The following HMGN5 variants were observed in gnomAD, a reference collection of about 807,000 sequenced individuals.
HMGN5 encodes the protein high mobility group nucleosome binding domain 5, also known as high mobility group nucleosome-binding domain-containing protein 5.
In HMGN5, 4 loss-of-function variants were observed where a neutral mutation model predicts 9.5. That is an observed-to-expected ratio of 0.42 (90% CI 0.21 to 0.96). HMGN5 has a LOEUF of 0.96. Ranked by LOEUF, HMGN5 falls within the 40% of genes least tolerant of loss-of-function variation. The probability of loss-of-function intolerance (pLI) is 0.30; values close to 1 mark genes in which losing one functional copy is unlikely to be tolerated. For missense variants in HMGN5, 192 were observed against 187.5 expected, an observed-to-expected ratio of 1.02 and a Z score of -0.14; for synonymous variants, 55 against 57.1, an observed-to-expected ratio of 0.96 and a Z score of 0.16.
At chrX:81,164,048 G>A (rs2075404654) in intron 1 of HMGN5, among the ~76,000 whole-genome samples, 1 of 111,719 alleles carries the variant, frequency 9.0e-6, no homozygotes, top group Admixed American at 9.6e-5. Flanking sequence ...TGTCAGAGAT[G>A]TGCAAAAGCA....
In HMGN5 at chrX:81,148,321, A is replaced by G. The variant is rs187008927; in HGVS notation, c.-123-26649T>C. 8.9e-5 allele frequency among the ~76,000 whole-genome samples: 10 copies of G among 111,986 alleles called. No individual in the cohort carries two copies. The East Asian group carries it at 2.0e-3, about 22-fold the overall frequency. On this transcript the variant is annotated intron_variant, in intron 1 of 6. Transcript: ENST00000358130. Reference sequence around the variant, plus strand: ...GAACAGAACAGAGTCCTCAGAAATAACACCACACACCTACAACCATCTGAT... The same window carrying G: ...GAACAGAACAGAGTCCTCAGAAATAGCACCACACACCTACAACCATCTGAT...
chrX:81,138,198 T>C (rs1212844554), intron 1 of HMGN5, among the ~76,000 whole-genome samples: 2 of 111,999 alleles, frequency 1.8e-5, no homozygotes, highest in East Asian at 5.5e-4. Flanking sequence ...AAATTTTTGA[T>C]AAAACTTTGG....
At chrX:81,148,338 C>T (rs1464647351) in intron 1 of HMGN5, among the ~76,000 whole-genome samples, 1 of 111,955 alleles carries the variant, frequency 8.9e-6, no homozygotes, top group African/African-American at 3.2e-5. Flanking sequence ...ACACCTACAA[C>T]CATCTGATCT....
chrX:81,196,534 TTTG>T (rs2075508733), intron 1 of HMGN5, among the ~76,000 whole-genome samples: 1 of 108,573 alleles, frequency 9.2e-6, no homozygotes, highest in African/African-American at 3.4e-5. Context: ...ATGGGTTTTT[TTTG>T]TTTGTTTGTT....
chrX:81,188,011 A>C (rs898466707), intron 1 of HMGN5, among the ~76,000 whole-genome samples: 1 of 111,153 alleles, frequency 9.0e-6, no homozygotes, highest in Admixed American at 9.6e-5. Context: ...AAAACCATAC[A>C]TATTAACTTC....
chrX:81,119,232 C>G (rs2075262244), intron 3 of HMGN5, among the ~76,000 whole-genome samples: 1 of 110,686 alleles, frequency 9.0e-6, no homozygotes, highest in African/African-American at 3.3e-5. Flanking sequence ...ATGCATTGAC[C>G]AAAATATTAG....
At chrX:81,163,772 G>A (rs111706349) in intron 1 of HMGN5, among the ~76,000 whole-genome samples, 3,361 of 111,174 alleles carry the variant, frequency 0.03, 50 homozygotes, top group Non-Finnish European at 0.048. Context: ...ATCTACAGGG[G>A]ATAGGATGGG....
At position 81,121,676 on chromosome X, in the gene HMGN5, G is replaced by GAA; in HGVS notation, c.-123-6_-123-5dup. The GAA allele has an allele frequency of 1.4e-4, 48 of 339,855 alleles. No homozygotes were observed. Among genetic ancestry groups the GAA allele is most frequent in the South Asian group, 2.8e-4 (4 of 14,049 alleles). 28.0% of individuals were successfully genotyped at this position (339,855 alleles called of 1,213,427 possible). A position where few individuals can be genotyped will look rare whatever the true frequency, so the allele number is the denominator to read the frequency against. On this transcript the variant is annotated splice_region_variant and splice_polypyrimidine_tract_variant and intron_variant, in intron 1 of 6. Coordinates refer to ENST00000358130, the MANE Select transcript of HMGN5 (RefSeq NM_030763.3). Reference sequence around the variant, plus strand: ...GCAGCACGACCTGTACTCTCCTCTGGAAAAAAAAAAAATCCCTCGTTATTG... The same window carrying GAA: ...GCAGCACGACCTGTACTCTCCTCTGGAAAAAAAAAAAAAATCCCTCGTTATTG...
At chrX:81,139,676 C>G (rs2075322452) in intron 1 of HMGN5, among the ~76,000 whole-genome samples, 1 of 111,627 alleles carries the variant, frequency 9.0e-6, no homozygotes, top group African/African-American at 3.3e-5. Flanking sequence ...GGGAGCAACT[C>G]CACACTGCAG....
Position 81,126,382 on chromosome X carries a change from T to C in HMGN5, c.-123-4710A>G, listed in dbSNP as rs183278534. ...TTTTACTGATTCATTGGATCCTCAC[T>C]CATCTATGATCTTAAACTTGTATTC... On this transcript the variant is annotated intron_variant, in intron 1 of 6. Coordinates refer to ENST00000358130, the MANE Select transcript of HMGN5 (RefSeq NM_030763.3). Among the ~76,000 whole-genome samples the C allele has an allele frequency of 5.5e-3, 610 of 111,221 alleles. 3 individuals are homozygous for C. Among genetic ancestry groups the C allele is most frequent in the Middle Eastern group, 0.014 (3 of 214 alleles).
intron 1 of HMGN5, among the ~76,000 whole-genome samples, chrX:81,160,675 T>G (rs941521629): frequency 8.9e-6 from 1 of 111,828 alleles, no homozygotes; most frequent in Admixed American, 9.6e-5. Flanking sequence ...TCCAGCTTCA[T>G]CCATATCCCT....
intron 1 of HMGN5, among the ~76,000 whole-genome samples, chrX:81,146,189 A>G (rs2075343187): frequency 8.9e-6 from 1 of 112,151 alleles, no homozygotes; most frequent in Admixed American, 9.5e-5. Flanking sequence ...ACAAATCAAC[A>G]GAATACACAT....
intron 1 of HMGN5, among the ~76,000 whole-genome samples, chrX:81,167,756 C>A (rs1449976327): frequency 8.9e-6 from 1 of 111,808 alleles, no homozygotes; most frequent in Non-Finnish European, 1.9e-5. Context: ...GAAGTAGAAA[C>A]ATTTGATTTT....
intron 1 of HMGN5, among the ~76,000 whole-genome samples, chrX:81,179,515 A>T (rs1383443514): frequency 1.8e-5 from 2 of 111,675 alleles, no homozygotes; most frequent in Non-Finnish European, 3.8e-5. Context: ...GGACCTCTTC[A>T]AGGAGAACTA....
intron 1 of HMGN5, among the ~76,000 whole-genome samples, chrX:81,140,914 G>T (rs932476801): frequency 6.2e-4 from 69 of 111,672 alleles, no homozygotes; most frequent in African/African-American, 2.1e-3. Context: ...CTTGCCCTGG[G>T]TCAGAGGGGA....
chrX:81,162,506 A>C (rs2075400212), intron 1 of HMGN5, among the ~76,000 whole-genome samples: 1 of 110,748 alleles, frequency 9.0e-6, no homozygotes, highest in South Asian at 3.8e-4. Flanking sequence ...CAAAACAAGG[A>C]ACTGGCAATA....
intron 1 of HMGN5, among the ~76,000 whole-genome samples, chrX:81,156,651 C>G (rs1377489435): frequency 8.9e-6 from 1 of 112,137 alleles, no homozygotes; most frequent in Non-Finnish European, 1.9e-5. Context: ...ATCTCCTGCT[C>G]TAGAAAGTAA....
chrX:81,134,623 C>T (rs968717340), intron 1 of HMGN5, among the ~76,000 whole-genome samples: 1 of 111,011 alleles, frequency 9.0e-6, no homozygotes, highest in African/African-American at 3.3e-5. Flanking sequence ...TTTAACACAT[C>T]GATACATTTA....
intron 1 of HMGN5, among the ~76,000 whole-genome samples, chrX:81,189,719 G>A (rs1280564635): frequency 2.7e-5 from 3 of 112,150 alleles, no homozygotes; most frequent in African/African-American, 9.7e-5. Context: ...GTAGACATAA[G>A]TTTTTAACTC....
Sources: allele counts gnomAD v4.1 joint callset (sites outside exome capture counted in the v4.1 genomes callset), GRCh38; gene constraint gnomAD v4.1.1; transcripts MANE v1.5; gene names NCBI Gene and HGNC (gene_info 2026-07-23, HGNC 2026-07-21).